The following ZC3H18 variants were observed in gnomAD, a reference collection of about 807,000 sequenced individuals.
The protein encoded by ZC3H18 is zinc finger CCCH domain-containing protein 18.
Under a neutral mutation model 106.1 loss-of-function variants are expected in ZC3H18, and 8 were observed. The observed-to-expected ratio is 0.08, with a 90% confidence interval of 0.04 to 0.14. The LOEUF (loss-of-function observed/expected upper bound fraction) is 0.14, where lower values mean the gene tolerates loss of function less well. Among genes scored for constraint, ZC3H18 ranks in the 10% least tolerant of loss-of-function variants. The probability of loss-of-function intolerance (pLI) is 1.00; values close to 1 mark genes in which losing one functional copy is unlikely to be tolerated. For synonymous variants in ZC3H18, 635 were observed against 522.1 expected, an observed-to-expected ratio of 1.22 and a Z score of -2.95; for missense variants, 1,318 against 1,278.4, an observed-to-expected ratio of 1.03 and a Z score of -0.47.
intron 15 of ZC3H18, among the ~76,000 whole-genome samples, chr16:88,628,393 C>G (rs1409760097): frequency 6.6e-6 from 1 of 152,170 alleles, no homozygotes; most frequent in African/African-American, 2.4e-5. Context: ...GCCATGCAGT[C>G]TCAACACAAT....
rs1906381026 is a variant in ZC3H18 at position 88,627,474 on chromosome 16, A to C, written c.2109-148A>C. On this transcript the variant is annotated intron_variant, in intron 13 of 17. Coordinates refer to ENST00000301011, the MANE Select transcript of ZC3H18 (RefSeq NM_144604.4). The surrounding 1 kb of genome is among the most constrained non-coding windows in gnomAD (Gnocchi z 4.5). ...GGACGTCCCTTACTTTGTAACCCTG[A>C]AACTGCCCAGTGTCCCCCCAAAATC... 9.0e-7 allele frequency: 1 copy of C among 1,116,388 alleles called. No individual in the cohort carries two copies. Among genetic ancestry groups the C allele is most frequent in the Non-Finnish European group, 1.3e-6 (1 of 795,426 alleles). 69.2% of individuals were successfully genotyped at this position (1,116,388 alleles called of 1,614,324 possible). A position where few individuals can be genotyped will look rare whatever the true frequency, so the allele number is the denominator to read the frequency against.
At position 88,611,305 on chromosome 16, in the gene ZC3H18, G is replaced by A. The variant is rs541795042; in HGVS notation, c.1244G>A (p.Arg415His). The change falls in exon 8 of 18, where the codon CGC (arginine) becomes CAC (histidine). Residue 415 changes from arginine (R) to histidine (H), a missense_variant. Transcript: ENST00000301011. ...ERERERENRQ[R>H]ERERERERDR... is the part of the protein sequence containing the mutation. ...GAGCGAGAGAGAGAGAACAGACAGC[G>A]CGAGCGCGAGCGGGAGCGGGAGCGG... 4.2e-5 allele frequency: 32 copies of A among 759,294 alleles called. No individual in the cohort carries two copies. The East Asian group carries it at 5.8e-4, about 14-fold the overall frequency. 47.0% of individuals were successfully genotyped at this position (759,294 alleles called of 1,614,324 possible). A position where few individuals can be genotyped will look rare whatever the true frequency, so the allele number is the denominator to read the frequency against.
At position 88,624,050 on chromosome 16, in the gene ZC3H18, C is replaced by T. The variant is rs767080083; in HGVS notation, c.1886C>T (p.Pro629Leu). ...ACCAAGGGAGAGCCGGCCCCGCCGC[C>T]CGGGAAAGCAGGGTGAGTGCCCAGC... is the stretch of plus-strand genomic sequence containing the variant. ...IRTKGEPAPP[P>L]GKAGEKSVKK... The change falls in exon 11 of 18, where the codon CCC becomes CTC. Residue 629 changes from proline (P) to leucine (L), a missense_variant. Transcript: ENST00000301011. 1.3e-5 allele frequency: 21 copies of T among 1,613,440 alleles called. No homozygotes were observed. The highest frequency in any genetic ancestry group is 1.1e-4 in the South Asian group (10 of 90,998).
chr16:88,583,592 T>C (rs577258977), intron 2 of ZC3H18, among the ~76,000 whole-genome samples: 2 of 152,208 alleles, frequency 1.3e-5, no homozygotes, highest in Non-Finnish European at 2.9e-5. Flanking sequence ...TTATAAAGGC[T>C]CTTAAAATTG....
chr16:88,604,332 CTGAG>C lies in ZC3H18; in HGVS notation c.1088+4389_1088+4392del, dbSNP rs1334759947. ...TGCCACTGCACTCCAGCCTGGGTGA[CTGAG>C]TGAGACTCTTTCTCCAAAAAAAAAA... On this transcript the variant is annotated intron_variant, in intron 6 of 17. Transcript: ENST00000301011. 4.2e-5 allele frequency among the ~76,000 whole-genome samples: 6 copies of C among 141,716 alleles called. No individual in the cohort carries two copies. In the Admixed American group the frequency reaches 4.4e-4, roughly 10 times the overall value. 93.0% of individuals were successfully genotyped at this position (141,716 alleles called of 152,430 possible). A position where few individuals can be genotyped will look rare whatever the true frequency, so the allele number is the denominator to read the frequency against.
Position 88,577,340 on chromosome 16 carries a change from G to A in ZC3H18, c.217G>A (p.Ala73Thr), listed in dbSNP as rs751426501. ...TAATCACTCCGACGAGGAGGACCGG[G>A]CAAGTGAGCCTAAATCCCAAGACCA... ...EDNHSDEEDR[A>T]SEPKSQDQDS... Residue 73 changes from alanine to threonine, a missense_variant, in exon 2 of 18, where the codon GCA becomes ACA. Coordinates refer to ENST00000301011, the MANE Select transcript of ZC3H18 (RefSeq NM_144604.4). 6.2e-6 allele frequency: 10 copies of A among 1,605,288 alleles called. No individual in the cohort carries two copies. The highest frequency in any genetic ancestry group is 3.4e-5 in the Admixed American group (2 of 59,330).
chr16:88,584,461 A>G (rs763350044), intron 2 of ZC3H18, among the ~76,000 whole-genome samples: 68 of 152,168 alleles, frequency 4.5e-4, no homozygotes, highest in Non-Finnish European at 7.3e-4. Flanking sequence ...CCATTATTTA[A>G]AAGACCATTG....
chr16:88,622,746 C>A, intron 9 of ZC3H18: 1 of 293,088 alleles, frequency 3.4e-6, no homozygotes, highest in Non-Finnish European at 6.4e-6. Flanking sequence ...AAACTGTTGC[C>A]CCTCCACCTA....
intron 2 of ZC3H18, among the ~76,000 whole-genome samples, chr16:88,585,074 A>T (rs60886897): frequency 6.6e-6 from 1 of 152,270 alleles, no homozygotes; most frequent in East Asian, 1.9e-4. Flanking sequence ...AAGAAGACAC[A>T]AACTAAAAGA....
Position 88,631,653 on chromosome 16 carries a change from C to A in ZC3H18, c.*354C>A. On this transcript the variant is annotated 3_prime_UTR_variant, in exon 18 of 18. Coordinates refer to ENST00000301011, the MANE Select transcript of ZC3H18 (RefSeq NM_144604.4). ...TGGAGCCCCAGCTCTGGGTCCCTAG[C>A]CCGGGTCCAGGCAGCCAGGCTCCCT... 2.1e-6 allele frequency: 1 copy of A among 473,258 alleles called. No homozygotes were observed. Among genetic ancestry groups the A allele is most frequent in the Non-Finnish European group, 4.2e-6 (1 of 238,686 alleles). The allele number at this position is 473,258 out of a possible 1,614,324, so 29.3% of individuals were successfully genotyped here.
chr16:88,602,222 G>A (rs1904785979), intron 6 of ZC3H18, among the ~76,000 whole-genome samples: 1 of 152,254 alleles, frequency 6.6e-6, no homozygotes, highest in Non-Finnish European at 1.5e-5. Flanking sequence ...GTGCAGGAGG[G>A]TGGCTGGCAG....
At chr16:88,579,459 A>C (rs1914974882) in intron 2 of ZC3H18, among the ~76,000 whole-genome samples, 1 of 152,234 alleles carries the variant, frequency 6.6e-6, no homozygotes, top group East Asian at 1.9e-4. Context: ...GGGGAGATTC[A>C]TCAGACGGAT....
chr16:88,598,546 G>A, intron 4 of ZC3H18, 74 bp from the exon 5 acceptor site: 4 of 1,505,340 alleles, frequency 2.7e-6, no homozygotes, highest in Non-Finnish European at 3.6e-6. Flanking sequence ...TGTAGTTGAT[G>A]TTTTTACTGT....
chr16:88,629,618 C>T (rs562210834), intron 16 of ZC3H18, among the ~76,000 whole-genome samples: 2 of 152,212 alleles, frequency 1.3e-5, no homozygotes, highest in Non-Finnish European at 2.9e-5. Flanking sequence ...TTCTGGAGAT[C>T]CTCCCAGGCT....
intron 15 of ZC3H18, 93 bp from the exon 16 acceptor site, chr16:88,628,665 A>G (rs1906469650): frequency 7.5e-7 from 1 of 1,332,800 alleles, no homozygotes; most frequent in South Asian, 1.2e-5. Context: ...GGAGCAGAGC[A>G]GGTTGCTGGC....
At chr16:88,621,213 TTTTG>T (rs746099646) in intron 8 of ZC3H18, among the ~76,000 whole-genome samples, 75 of 149,138 alleles carry the variant, frequency 5.0e-4, no homozygotes, top group Non-Finnish European at 8.9e-4. Context: ...TCCAACTAAT[TTTTG>T]TTTTTGTTTT....
At chr16:88,573,896 G>A (rs976484021) in intron 1 of ZC3H18, among the ~76,000 whole-genome samples, 2 of 151,616 alleles carry the variant, frequency 1.3e-5, no homozygotes, top group African/African-American at 4.8e-5. Flanking sequence ...TTTTGAGACG[G>A]AGTTTTGCTC....
chr16:88,615,394 G>A (rs1035282464), intron 8 of ZC3H18, among the ~76,000 whole-genome samples: 1 of 152,166 alleles, frequency 6.6e-6, no homozygotes. Flanking sequence ...GATGGTCCTG[G>A]GGCACCACCG....
intron 6 of ZC3H18, among the ~76,000 whole-genome samples, chr16:88,607,780 G>C (rs999175847): frequency 7.0e-6 from 1 of 142,584 alleles, no homozygotes; most frequent in Non-Finnish European, 1.5e-5. Context: ...TGTCTCTCAG[G>C]CATCTCCCCA....
Sources: gnomAD v4.1 joint callset for allele counts (sites outside exome capture counted in the v4.1 genomes callset) on GRCh38, gnomAD v4.1.1 for gene constraint, Gnocchi (gnomAD v3.1) non-coding constraint, MANE v1.5 for transcripts, NCBI Gene and HGNC (gene_info 2026-07-23, HGNC 2026-07-21) for gene names.